IPO11: variants seen among roughly 807,000 people sequenced by gnomAD.
The protein encoded by IPO11 is importin-11.
A neutral mutation model predicts 143.2 loss-of-function variants in IPO11; 66 were observed. The ratio of observed to expected loss-of-function variants is 0.46; its 90% CI spans 0.38 to 0.57. The LOEUF is 0.57. IPO11 is among the 20% of genes least tolerant of loss of function. The pLI is 0.00. For missense variants in IPO11, 1,026 were observed against 1,141.0 expected (o/e 0.90, Z 1.45); for synonymous variants, 385 against 377.8 (o/e 1.02, Z -0.22).
chr5:62,543,657 T>G (rs1415172405), intron 24 of IPO11, among the ~76,000 whole-genome samples: 1 of 152,222 alleles, frequency 6.6e-6, no homozygotes, highest in Non-Finnish European at 1.5e-5. Flanking sequence ...TATTGATTTT[T>G]TGAAGGGTTT....
chr5:62,598,614 G>C (rs1488780756), intron 28 of IPO11, among the ~76,000 whole-genome samples: 1 of 142,522 alleles, frequency 7.0e-6, no homozygotes, highest in Non-Finnish European at 1.5e-5. Flanking sequence ...GTGTGATCTC[G>C]GCTCATTGCA....
In IPO11 at chr5:62,609,516, T is replaced by C. The variant is rs575138491; in HGVS notation, c.2763+7668T>C. Among the ~76,000 whole-genome samples, 3 of 152,342 alleles carry C rather than the reference T, an allele frequency of 2.0e-5. No homozygotes were observed. The East Asian group carries it at 5.8e-4, about 29-fold the overall frequency. On this transcript the variant is annotated intron_variant, in intron 29 of 29. Transcript: ENST00000325324. The stretch of plus-strand genomic sequence containing the variant: ...GTATATCAGGTGTTCAGCAAATGTT[T>C]GTTGAATGGATAAGTGACTGGATGG...
At chr5:62,428,918 A>C (rs144825232) in intron 1 of IPO11, among the ~76,000 whole-genome samples, 1 of 152,114 alleles carries the variant, frequency 6.6e-6, no homozygotes, top group African/African-American at 2.4e-5. Flanking sequence ...CCTCCTGCCT[A>C]AACCTCCCAA....
At chr5:62,529,303 A>G (rs971802870) in intron 21 of IPO11, among the ~76,000 whole-genome samples, 2 of 152,144 alleles carry the variant, frequency 1.3e-5, no homozygotes, top group Non-Finnish European at 2.9e-5. Context: ...TAAATGTAAT[A>G]TGATCATTTA....
chr5:62,495,893 T>C (rs577410167), intron 16 of IPO11, among the ~76,000 whole-genome samples: 4 of 152,270 alleles, frequency 2.6e-5, no homozygotes, highest in African/African-American at 9.6e-5. Context: ...TATCAACAAG[T>C]GTAACTGGAG....
chr5:62,448,847 C>T (rs746353595), intron 3 of IPO11, among the ~76,000 whole-genome samples: 18 of 152,180 alleles, frequency 1.2e-4, no homozygotes, highest in East Asian at 3.8e-4. Context: ...GCATGAGCCA[C>T]GACGGCTGGC....
At chr5:62,498,164 A>AT (rs373571692) in intron 16 of IPO11, among the ~76,000 whole-genome samples, 62 of 147,212 alleles carry the variant, frequency 4.2e-4, no homozygotes, top group South Asian at 2.2e-3. Flanking sequence ...TTCATTAGCC[A>AT]TTTTTTTTTT....
At chr5:62,476,793 C>T in intron 9 of IPO11, 40 bp downstream of exon 9, 1 of 1,439,854 alleles carries the variant, frequency 6.9e-7, no homozygotes. Flanking sequence ...ATATAATACA[C>T]ATATTCAGAT....
Position 62,526,171 on chromosome 5 carries a change from C to G in IPO11, c.1926C>G (p.Tyr642Ter). ...QGLGADSKNL[Y>*]PFLLPVIQLS... Reference sequence around the variant, plus strand: ...TAGGAGCAGACAGCAAGAACCTGTACCCTTTCCTGCTCCCAGTTATTCAAC... The same window carrying G: ...TAGGAGCAGACAGCAAGAACCTGTAGCCTTTCCTGCTCCCAGTTATTCAAC... Residue 642 changes from tyrosine (Y) to a stop codon, truncating the protein, a stop_gained, in exon 21 of 30, where the codon TAC (tyrosine) becomes TAG (stop). Coordinates refer to ENST00000325324, the MANE Select transcript of IPO11 (RefSeq NM_016338.5). LOFTEE classifies it high-confidence loss of function. 1 of 1,613,294 alleles carries G rather than the reference C, an allele frequency of 6.2e-7. No homozygotes were observed.
intron 27 of IPO11, among the ~76,000 whole-genome samples, chr5:62,568,109 G>A (rs781580030): frequency 1.7e-4 from 26 of 151,616 alleles, no homozygotes; most frequent in Admixed American, 1.7e-3. Flanking sequence ...GGGACTACAG[G>A]TGCATACCAC....
chr5:62,488,639 G>A (rs577567644), intron 13 of IPO11, among the ~76,000 whole-genome samples: 24 of 152,312 alleles, frequency 1.6e-4, no homozygotes, highest in African/African-American at 5.8e-4. Flanking sequence ...CACCTATAGG[G>A]ATATGAGTAA....
intron 29 of IPO11, among the ~76,000 whole-genome samples, chr5:62,616,594 C>G (rs538187809): frequency 2.6e-5 from 4 of 151,744 alleles, no homozygotes; most frequent in East Asian, 1.9e-4. Context: ...GTGGCATGCC[C>G]CTGTAGTCCC....
At chr5:62,584,407 G>A (rs1275341744) in intron 27 of IPO11, among the ~76,000 whole-genome samples, 1 of 151,884 alleles carries the variant, frequency 6.6e-6, no homozygotes, top group Admixed American at 6.6e-5. Flanking sequence ...AGACCAGCCT[G>A]GGCAATATGG....
chr5:62,528,649 T>C (rs1351601608), intron 21 of IPO11, among the ~76,000 whole-genome samples: 1 of 152,108 alleles, frequency 6.6e-6, no homozygotes, highest in Non-Finnish European at 1.5e-5. Context: ...TTTTCCAAAT[T>C]TTGTAGTGGA....
intron 7 of IPO11, among the ~76,000 whole-genome samples, chr5:62,472,840 A>G (rs1745830570): frequency 6.6e-6 from 1 of 152,166 alleles, no homozygotes; most frequent in Non-Finnish European, 1.5e-5. Context: ...AAAAATCTTA[A>G]AAATAACAGA....
In IPO11 at chr5:62,540,312, T is replaced by C. The variant is rs146130812; in HGVS notation, c.2250+3023T>C. Among the ~76,000 whole-genome samples, 15 of 152,316 alleles carry C rather than the reference T, an allele frequency of 9.8e-5. No homozygotes were observed. In the East Asian group the frequency reaches 2.5e-3, roughly 25 times the overall value. The stretch of plus-strand genomic sequence containing the variant: ...TTAGATGAGGAGTGATACTAAATGA[T>C]TTTTATTCTGTAATAGGCAGTACCT... On this transcript the variant is annotated intron_variant, in intron 24 of 29. Coordinates refer to ENST00000325324, the MANE Select transcript of IPO11 (RefSeq NM_016338.5).
intron 27 of IPO11, among the ~76,000 whole-genome samples, chr5:62,566,737 C>CAA (rs753040992): frequency 1.2e-4 from 8 of 64,764 alleles, no homozygotes; most frequent in South Asian, 4.9e-4. Flanking sequence ...GACTCTGTCT[C>CAA]AAAAAAAAAA....
chr5:62,513,190 C>A (rs1207210919), intron 19 of IPO11, among the ~76,000 whole-genome samples: 1 of 151,740 alleles, frequency 6.6e-6, no homozygotes, highest in Admixed American at 6.5e-5. Flanking sequence ...AGCTCCCGGA[C>A]CGGGTGGCTG....
chr5:62,598,529 T>C (rs1348308556), intron 28 of IPO11, among the ~76,000 whole-genome samples: 2 of 15,714 alleles, frequency 1.3e-4, no homozygotes, highest in African/African-American at 1.7e-3. Context: ...TTTCTTTCTT[T>C]TCTTTCTTTT....
Sources: gnomAD v4.1 joint callset for allele counts (sites outside exome capture counted in the v4.1 genomes callset) on GRCh38, gnomAD v4.1.1 for gene constraint, MANE v1.5 for transcripts, NCBI Gene and HGNC (gene_info 2026-07-23, HGNC 2026-07-21) for gene names.